Variants in PHACTR1 observed in about 807,000 individuals in gnomAD.
PHACTR1 encodes RPEL repeat containing 1.
PHACTR1 carries 16 observed loss-of-function variants against 69.2 expected under a neutral mutation model. The observed-to-expected ratio is 0.23, with a 90% CI of 0.16 to 0.35. PHACTR1 has a LOEUF of 0.35. PHACTR1 is among the 10% of genes least tolerant of loss of function. The pLI is 1.00. For synonymous variants in PHACTR1, 312 were observed against 284.5 expected (o/e 1.10, Z -0.97); for missense variants, 510 against 734.7 (o/e 0.69, Z 3.54).
chr6:13,199,477 T>G (rs1294451641), intron 7 of PHACTR1, among the ~76,000 whole-genome samples: 1 of 149,790 alleles, frequency 6.7e-6, no homozygotes, highest in Non-Finnish European at 1.5e-5. Flanking sequence ...CCCTTTGTCA[T>G]CCTCACTATA....
chr6:12,740,033 T>C (rs1764833458), intron 3 of PHACTR1, among the ~76,000 whole-genome samples: 4 of 152,224 alleles, frequency 2.6e-5, no homozygotes, highest in Admixed American at 2.6e-4. Context: ...CCTTCTATTA[T>C]GGTATATGAG....
Position 13,235,576 on chromosome 6 carries a change from C to T in PHACTR1, c.1391+5383C>T, listed in dbSNP as rs116502048. Reference sequence around the variant, plus strand: ...CACTGACAGGTTGGTGAAGTGAAACCCCCAGAAGTTGGAGCTTCAGATCAC... The same window carrying T: ...CACTGACAGGTTGGTGAAGTGAAACTCCCAGAAGTTGGAGCTTCAGATCAC... On this transcript the variant is annotated intron_variant, in intron 10 of 14. Transcript: ENST00000332995. Among the ~76,000 whole-genome samples the T allele has an allele frequency of 2.3e-3, 354 of 152,270 alleles. 1 individual carries two copies. The highest frequency in any genetic ancestry group is 8.0e-3 in the African/African-American group (332 of 41,544).
chr6:13,102,136 T>C (rs1241202002), intron 5 of PHACTR1, among the ~76,000 whole-genome samples: 3 of 152,232 alleles, frequency 2.0e-5, no homozygotes, highest in African/African-American at 7.2e-5. Flanking sequence ...GTAATTAGAA[T>C]AGCACTTTTC....
intron 5 of PHACTR1, among the ~76,000 whole-genome samples, chr6:13,067,400 T>G (rs540930864): frequency 9.8e-5 from 15 of 152,302 alleles, no homozygotes; most frequent in African/African-American, 3.6e-4. Context: ...AAAACATAAT[T>G]CTTCTACACA....
At chr6:12,981,155 G>T (rs1795479873) in intron 4 of PHACTR1, among the ~76,000 whole-genome samples, 1 of 152,216 alleles carries the variant, frequency 6.6e-6, no homozygotes, top group Non-Finnish European at 1.5e-5. Context: ...TAGGAAACTG[G>T]CCTTTTCAAT....
At chr6:12,824,858 G>T (rs1776619685) in intron 4 of PHACTR1, among the ~76,000 whole-genome samples, 1 of 152,114 alleles carries the variant, frequency 6.6e-6, no homozygotes, top group South Asian at 2.1e-4. Flanking sequence ...AAAGTACTTG[G>T]GTCTGAAAGG....
chr6:12,789,052 GTTC>G (rs767199466), intron 4 of PHACTR1, among the ~76,000 whole-genome samples: 7 of 152,160 alleles, frequency 4.6e-5, no homozygotes, highest in Non-Finnish European at 7.4e-5. Flanking sequence ...CCATTTCTTT[GTTC>G]TTCTTTTGTA....
intron 6 of PHACTR1, among the ~76,000 whole-genome samples, chr6:13,180,625 A>C (rs1237085808): frequency 6.6e-6 from 1 of 152,238 alleles, no homozygotes; most frequent in Non-Finnish European, 1.5e-5. Context: ...CTCGTCCAGC[A>C]CTTTTATTAT....
At chr6:13,010,842 C>T (rs957242660) in intron 4 of PHACTR1, among the ~76,000 whole-genome samples, 10 of 151,698 alleles carry the variant, frequency 6.6e-5, no homozygotes, top group Admixed American at 4.6e-4. Context: ...TACAAGGAAA[C>T]GATAATAATG....
In PHACTR1 at chr6:13,209,842, C is replaced by A. The variant is rs1049271516; in HGVS notation, c.986+3706C>A. ...TACTGAAATTTGTATCTGCCCCTTC[C>A]CGATCTTATTTCTAATCTTCCTTTC... On this transcript the variant is annotated intron_variant, in intron 8 of 14. Transcript: ENST00000332995. Among the ~76,000 whole-genome samples the A allele has an allele frequency of 9.2e-5, 14 of 152,284 alleles. No individual in the cohort carries two copies. The East Asian group carries it at 2.5e-3, about 27-fold the overall frequency.
At chr6:12,974,095 T>C (rs1794574953) in intron 4 of PHACTR1, among the ~76,000 whole-genome samples, 1 of 152,026 alleles carries the variant, frequency 6.6e-6, no homozygotes, top group Non-Finnish European at 1.5e-5. Context: ...CTAATTTTTG[T>C]ATTTTTAGTA....
chr6:13,250,845 A>G (rs1341631187), intron 10 of PHACTR1, among the ~76,000 whole-genome samples: 1 of 152,226 alleles, frequency 6.6e-6, no homozygotes, highest in African/African-American at 2.4e-5. Flanking sequence ...GGTGGTGCAC[A>G]AATGGAGTGT....
chr6:13,212,715 T>G (rs920434377), intron 8 of PHACTR1, among the ~76,000 whole-genome samples: 1 of 152,046 alleles, frequency 6.6e-6, no homozygotes, highest in Non-Finnish European at 1.5e-5. Flanking sequence ...TTCTCGCACA[T>G]TCTCGGACAT....
chr6:13,006,371 A>G (rs1374436622), intron 4 of PHACTR1, among the ~76,000 whole-genome samples: 1 of 152,156 alleles, frequency 6.6e-6, no homozygotes, highest in African/African-American at 2.4e-5. Flanking sequence ...TCTGAATGTC[A>G]GTGGAATGTT....
chr6:12,966,826 G>A (rs1372394752), intron 4 of PHACTR1, among the ~76,000 whole-genome samples: 1 of 152,164 alleles, frequency 6.6e-6, no homozygotes, highest in Non-Finnish European at 1.5e-5. Context: ...TTACTGAGAA[G>A]TGACTCTTGC....
intron 4 of PHACTR1, among the ~76,000 whole-genome samples, chr6:12,798,068 A>ACACACACACACCCC (rs758442149): frequency 6.7e-6 from 1 of 149,912 alleles, no homozygotes; most frequent in Admixed American, 6.7e-5. Flanking sequence ...ACACACACAC[A>ACACACACACACCCC]CCCCTACATA....
chr6:12,783,138 A>G, intron 4 of PHACTR1, among the ~76,000 whole-genome samples: 1 of 152,228 alleles, frequency 6.6e-6, no homozygotes, highest in Non-Finnish European at 1.5e-5. Flanking sequence ...CTTTGCTTGT[A>G]TATGACTTGC....
chr6:13,229,399 G>A (rs932659400), intron 9 of PHACTR1, among the ~76,000 whole-genome samples: 4 of 152,054 alleles, frequency 2.6e-5, no homozygotes, highest in Admixed American at 2.0e-4. Context: ...ATGTAGGGAA[G>A]CCCTGCCTCA....
intron 4 of PHACTR1, among the ~76,000 whole-genome samples, chr6:12,978,470 T>G (rs1215932657): frequency 6.6e-6 from 1 of 152,180 alleles, no homozygotes; most frequent in African/African-American, 2.4e-5. Context: ...GCTGCCCTGC[T>G]CTGCCTCCTC....
Sources: allele counts gnomAD v4.1 joint callset (sites outside exome capture counted in the v4.1 genomes callset), GRCh38; gene constraint gnomAD v4.1.1; transcripts MANE v1.5; gene names NCBI Gene and HGNC (gene_info 2026-07-23, HGNC 2026-07-21).